NOS1AP: variants seen among roughly 807,000 people sequenced by gnomAD.
NOS1AP encodes nitric oxide synthase 1 adaptor protein, also known as carboxyl-terminal PDZ ligand of neuronal nitric oxide synthase protein.
Under a neutral mutation model 56.2 loss-of-function variants are expected in NOS1AP, and 21 were observed. That is an observed-to-expected ratio of 0.37 (90% CI 0.26 to 0.54). The LOEUF (loss-of-function observed/expected upper bound fraction) is 0.54, where lower values mean the gene tolerates loss of function less well. Ranked by LOEUF, NOS1AP falls within the 20% of genes least tolerant of loss-of-function variation. The pLI is 0.84. For missense variants in NOS1AP, 522 were observed against 657.8 expected (o/e 0.79, Z 2.26); for synonymous variants, 270 against 274.6 (o/e 0.98, Z 0.17).
intron 1 of NOS1AP, among the ~76,000 whole-genome samples, chr1:162,079,799 A>C (rs1691847118): frequency 6.6e-6 from 1 of 152,226 alleles, no homozygotes; most frequent in Non-Finnish European, 1.5e-5. Flanking sequence ...TTTATAAGTC[A>C]GAGGCCTAGT....
At chr1:162,087,660 T>G (rs1570999215) in intron 1 of NOS1AP, among the ~76,000 whole-genome samples, 1 of 152,178 alleles carries the variant, frequency 6.6e-6, no homozygotes, top group East Asian at 1.9e-4. Flanking sequence ...TGATTCTATA[T>G]TTGATTCTTC....
chr1:162,113,017 G>T (rs1468400789), intron 1 of NOS1AP, among the ~76,000 whole-genome samples: 1 of 152,180 alleles, frequency 6.6e-6, no homozygotes, highest in Non-Finnish European at 1.5e-5. Context: ...TGCTTTGTTT[G>T]CAGTTCTGGG....
intron 2 of NOS1AP, among the ~76,000 whole-genome samples, chr1:162,229,354 G>A (rs1334167013): frequency 6.6e-6 from 1 of 152,134 alleles, no homozygotes; most frequent in East Asian, 1.9e-4. Flanking sequence ...GCCCTGAGGA[G>A]GACAGAATGT....
intron 1 of NOS1AP, among the ~76,000 whole-genome samples, chr1:162,092,268 G>C (rs1027612348): frequency 1.3e-5 from 2 of 152,176 alleles, no homozygotes; most frequent in African/African-American, 4.8e-5. Flanking sequence ...GTTTCAGCTA[G>C]TGGATTTTCT....
intron 4 of NOS1AP, among the ~76,000 whole-genome samples, chr1:162,304,665 T>C (rs1208899725): frequency 1.3e-5 from 2 of 152,144 alleles, no homozygotes; most frequent in African/African-American, 2.4e-5. Context: ...ATTTAGCAAC[T>C]TGTGTTTAAA....
intron 2 of NOS1AP, among the ~76,000 whole-genome samples, chr1:162,164,123 G>A (rs16857507): frequency 0.027 from 4,174 of 152,282 alleles, 88 homozygotes; most frequent in African/African-American, 0.056. Flanking sequence ...TCCACGGGAG[G>A]ATTTGATATT....
chr1:162,121,203 C>T (rs2102052229), intron 1 of NOS1AP, among the ~76,000 whole-genome samples: 1 of 148,996 alleles, frequency 6.7e-6, no homozygotes, highest in Non-Finnish European at 1.5e-5. Context: ...CAAAATCTCG[C>T]TCTGTCGCCC....
intron 7 of NOS1AP, among the ~76,000 whole-genome samples, chr1:162,355,814 A>C (rs1426997213): frequency 6.6e-6 from 1 of 152,162 alleles, no homozygotes; most frequent in African/African-American, 2.4e-5. Flanking sequence ...AAGTTGGCCC[A>C]CTGGATGTCA....
In NOS1AP at chr1:162,264,408, CTCTTCCCTTCTCTTCCCT is replaced by C. The variant is rs1654335655; in HGVS notation, c.178-22932_178-22915del. ...TCATCCCTCTTTGCCCTCTCCTCTTCTCTTCCCTTCTCTTCCCTTCTCTTCTCTTCTCTTCTCTTCTCT... is the reference window on the plus strand; with the variant it reads ...TCATCCCTCTTTGCCCTCTCCTCTTCTCTCTTCTCTTCTCTTCTCTTCTCT... On this transcript the variant is annotated intron_variant, in intron 2 of 9. Transcript: ENST00000361897. 9.1e-4 allele frequency among the ~76,000 whole-genome samples: 2 copies of C among 2,206 alleles called. 1 individual carries two copies. Among genetic ancestry groups the C allele is most frequent in the African/African-American group, 1.2e-3 (2 of 1,642 alleles). The allele number at this position is 2,206 out of a possible 152,430, so 1.4% of individuals were successfully genotyped here.
At chr1:162,362,764 G>C (rs1336318988) in intron 8 of NOS1AP, among the ~76,000 whole-genome samples, 1 of 152,204 alleles carries the variant, frequency 6.6e-6, no homozygotes, top group African/African-American at 2.4e-5. Context: ...TTATCTGTGG[G>C]CTTCCCATAG....
At chr1:162,072,459 G>A (rs932591828) in intron 1 of NOS1AP, among the ~76,000 whole-genome samples, 9 of 152,204 alleles carry the variant, frequency 5.9e-5, no homozygotes, top group African/African-American at 1.9e-4. Flanking sequence ...AACTTCCCTG[G>A]ATTCACAGGC....
chr1:162,190,982 C>T (rs1651612407), intron 2 of NOS1AP, among the ~76,000 whole-genome samples: 1 of 152,028 alleles, frequency 6.6e-6, no homozygotes, highest in African/African-American at 2.4e-5. Flanking sequence ...TTTTTGAGGG[C>T]TGTGTCTTTT....
At chr1:162,180,777 G>A (rs1165426088) in intron 2 of NOS1AP, among the ~76,000 whole-genome samples, 1 of 152,142 alleles carries the variant, frequency 6.6e-6, no homozygotes, top group Non-Finnish European at 1.5e-5. Flanking sequence ...ACACAGCCTG[G>A]TTGACACCAT....
chr1:162,132,709 A>T (rs1648804478), intron 1 of NOS1AP, among the ~76,000 whole-genome samples: 1 of 152,218 alleles, frequency 6.6e-6, no homozygotes, highest in African/African-American at 2.4e-5. Flanking sequence ...ACATAATAGG[A>T]ATCTATAGCA....
chr1:162,164,762 T>G lies in NOS1AP; in HGVS notation c.177+10286T>G, dbSNP rs554818577. Reference sequence around the variant, plus strand: ...GGTACTCAGCACATGACACAGGGTCTGGTGTGTGGCAAGTTTCCTCTTGGA... The same window carrying G: ...GGTACTCAGCACATGACACAGGGTCGGGTGTGTGGCAAGTTTCCTCTTGGA... On this transcript the variant is annotated intron_variant, in intron 2 of 9. Coordinates refer to ENST00000361897, the MANE Select transcript of NOS1AP (RefSeq NM_014697.3). Among the ~76,000 whole-genome samples, 3 of 152,350 alleles carry G rather than the reference T, an allele frequency of 2.0e-5. No individual in the cohort carries two copies. The South Asian group carries it at 6.2e-4, about 32-fold the overall frequency.
intron 1 of NOS1AP, among the ~76,000 whole-genome samples, chr1:162,115,188 G>C (rs947603627): frequency 5.9e-5 from 9 of 152,230 alleles, no homozygotes; most frequent in African/African-American, 2.2e-4. Context: ...ATGGTTGTTA[G>C]AGATGTGGTA....
rs374358240 is a variant in NOS1AP, at chr1:162,215,355, A to G, written c.177+60879A>G. Among the ~76,000 whole-genome samples, 6 of 152,188 alleles carry G rather than the reference A, an allele frequency of 3.9e-5. No homozygotes were observed. The East Asian group carries it at 5.8e-4, about 15-fold the overall frequency. On this transcript the variant is annotated intron_variant, in intron 2 of 9. Coordinates refer to ENST00000361897, the MANE Select transcript of NOS1AP (RefSeq NM_014697.3). ...GAAACTGGCTTGCTGGGTGGGCCAC[A>G]CTGGTGATGCACTGGACCTTGCAGG...
intron 1 of NOS1AP, among the ~76,000 whole-genome samples, chr1:162,104,776 AC>A (rs1647433448): frequency 6.6e-6 from 1 of 151,190 alleles, no homozygotes. Flanking sequence ...TTCCTCTCTA[AC>A]CTGCCTATTG....
At chr1:162,288,472 G>A (rs548328719) in intron 3 of NOS1AP, among the ~76,000 whole-genome samples, 1 of 152,272 alleles carries the variant, frequency 6.6e-6, no homozygotes, top group African/African-American at 2.4e-5. Flanking sequence ...TAAATTTGAA[G>A]AACCATATAG....
Sources: allele counts gnomAD v4.1 joint callset (sites outside exome capture counted in the v4.1 genomes callset), GRCh38; gene constraint gnomAD v4.1.1; transcripts MANE v1.5; gene names NCBI Gene and HGNC (gene_info 2026-07-23, HGNC 2026-07-21).